SORCS2: variants seen among roughly 807,000 people sequenced by gnomAD.
The protein encoded by SORCS2 is sortilin related VPS10 domain containing receptor 2.
A neutral mutation model predicts 141.6 loss-of-function variants in SORCS2; 100 were observed. That is an observed-to-expected ratio of 0.71 (90% CI 0.60 to 0.83). SORCS2 has a LOEUF of 0.83. Ranked by LOEUF, SORCS2 falls within the 40% of genes least tolerant of loss-of-function variation. The probability of loss-of-function intolerance (pLI) is 0.00; values close to 1 mark genes in which losing one functional copy is unlikely to be tolerated. For missense variants in SORCS2, 1,646 were observed against 1,560.2 expected, an observed-to-expected ratio of 1.05 and a Z score of -0.93; for synonymous variants, 789 against 676.9, an observed-to-expected ratio of 1.17 and a Z score of -2.57.
chr4:7,217,895 G>T (rs12152669), intron 1 of SORCS2, among the ~76,000 whole-genome samples: 2,246 of 152,294 alleles, frequency 0.015, 32 homozygotes, highest in Middle Eastern at 0.027. Flanking sequence ...GGCGAGGGTC[G>T]AGAGTCCAGG....
chr4:7,676,945 T>C (rs555812898), intron 9 of SORCS2, among the ~76,000 whole-genome samples: 3 of 44,576 alleles, frequency 6.7e-5, no homozygotes, highest in African/African-American at 2.2e-4. Context: ...TCTCCCTCTC[T>C]CCCTCTGCCT....
intron 2 of SORCS2, among the ~76,000 whole-genome samples, chr4:7,416,830 A>T (rs1725724387): frequency 6.6e-6 from 1 of 150,710 alleles, no homozygotes; most frequent in South Asian, 2.1e-4. Context: ...ACTTGTGAAC[A>T]CACACAAACA....
chr4:7,652,295 G>A (rs886366), intron 4 of SORCS2, among the ~76,000 whole-genome samples: 118,887 of 152,190 alleles, frequency 0.78, 49,925 homozygotes, highest in East Asian at 1. Flanking sequence ...GGCCTTGCCC[G>A]TGGCCCTGGC....
intron 6 of SORCS2, 123 bp downstream of exon 6, chr4:7,661,687 T>C (rs760137060): frequency 7.1e-6 from 6 of 846,380 alleles, no homozygotes; most frequent in Middle Eastern, 2.3e-4. Flanking sequence ...GGCCTCACTG[T>C]GTCTCGATGT....
Position 7,396,355 on chromosome 4 carries a change from G to A in SORCS2, c.548G>A (p.Arg183Gln), listed in dbSNP as rs1039521878. 5.0e-6 allele frequency: 8 copies of A among 1,613,738 alleles called. No homozygotes were observed. Among genetic ancestry groups the A allele is most frequent in the East Asian group, 2.2e-5 (1 of 44,892 alleles). The change falls in exon 2 of 27, where the codon CGG becomes CAG. Residue 183 changes from arginine (R) to glutamine (Q), a missense_variant and splice_region_variant. Coordinates refer to ENST00000507866, the MANE Select transcript of SORCS2 (RefSeq NM_020777.3). Reference sequence around the variant, plus strand: ...AAGGTTCTGGAAAGTTCTCTGTGGCGGTAAGTCAGCCCGATGGCAGGCCTT... The same window carrying A: ...AAGGTTCTGGAAAGTTCTCTGTGGCAGTAAGTCAGCCCGATGGCAGGCCTT... ...MGKVLESSLW[R>Q]SSDFGTSYTK... is the part of the protein sequence containing the mutation.
chr4:7,714,679 C>T (rs1726070435), intron 16 of SORCS2, among the ~76,000 whole-genome samples: 1 of 152,196 alleles, frequency 6.6e-6, no homozygotes, highest in Non-Finnish European at 1.5e-5. Flanking sequence ...GCTGCACCCA[C>T]CCCAGCCCTT....
intron 2 of SORCS2, chr4:7,430,186 C>T (rs1248985128): frequency 6.6e-6 from 1 of 151,958 alleles, no homozygotes; most frequent in Admixed American, 6.5e-5. Context: ...ACTGTTCCCA[C>T]ATTGAAGGTG....
chr4:7,545,671 G>A (rs187329815), intron 3 of SORCS2, among the ~76,000 whole-genome samples: 3 of 152,100 alleles, frequency 2.0e-5, no homozygotes, highest in Non-Finnish European at 2.9e-5. Context: ...GACCCACCCC[G>A]CTGCATCAGC....
At chr4:7,519,121 C>T (rs1253616724) in intron 2 of SORCS2, among the ~76,000 whole-genome samples, 2 of 152,216 alleles carry the variant, frequency 1.3e-5, no homozygotes, top group African/African-American at 4.8e-5. Flanking sequence ...AGCTGTAGAG[C>T]AGGCATATCT....
chr4:7,237,632 A>G (rs1712376902), intron 1 of SORCS2, among the ~76,000 whole-genome samples: 1 of 152,210 alleles, frequency 6.6e-6, no homozygotes, highest in African/African-American at 2.4e-5. Flanking sequence ...TGAGGAAAGC[A>G]GACGGGATTC....
chr4:7,328,410 C>G (rs1244188218), intron 1 of SORCS2, among the ~76,000 whole-genome samples: 1 of 151,928 alleles, frequency 6.6e-6, no homozygotes, highest in African/African-American at 2.4e-5. Flanking sequence ...GTGACCATTT[C>G]CATTTGCAGG....
At chr4:7,407,351 T>G (rs1725030712) in intron 2 of SORCS2, among the ~76,000 whole-genome samples, 1 of 152,158 alleles carries the variant, frequency 6.6e-6, no homozygotes, top group African/African-American at 2.4e-5. Flanking sequence ...CTTTATATAC[T>G]TGGGAGATTC....
In SORCS2 at chr4:7,725,179, G is replaced by C. The variant is rs201523641; in HGVS notation, c.2637G>C (p.Glu879Asp). The C allele has an allele frequency of 4.3e-6, 7 of 1,613,476 alleles. No individual in the cohort carries two copies. Among genetic ancestry groups the C allele is most frequent in the Non-Finnish European group, 5.1e-6 (6 of 1,179,586 alleles). ...CCCCCCTGCAGGCCCTCTACCTGGA[G>C]GTGGTTCCTGTCATTGGCCTCAACC... The part of the protein sequence containing the change: ...VNSPLQALYL[E>D]VVPVIGLNQE... Residue 879 changes from glutamate (E) to aspartate (D), a missense_variant, in exon 20 of 27, where the codon GAG becomes GAC. Transcript: ENST00000507866.
intron 2 of SORCS2, among the ~76,000 whole-genome samples, chr4:7,448,101 G>C (rs1425083873): frequency 6.6e-6 from 1 of 152,214 alleles, no homozygotes; most frequent in Non-Finnish European, 1.5e-5. Flanking sequence ...ACGTAGGCGA[G>C]AGTCCACTGT....
chr4:7,723,756 C>T lies in SORCS2; in HGVS notation c.2484C>T (p.Tyr828=), dbSNP rs774304661. The T allele has an allele frequency of 4.6e-5, 75 of 1,613,888 alleles. No homozygotes were observed. Among genetic ancestry groups the T allele is most frequent in the Non-Finnish European group, 5.8e-5 (69 of 1,179,902 alleles). Residue 828 remains tyrosine, a synonymous_variant, in exon 19 of 27, where the codon TAC becomes TAT. Transcript: ENST00000507866. The part of the protein sequence containing the change: ...VDLGDGFKAM[Y]VNLTLTGEPI... ...TTGGGGACGGCTTCAAGGCCATGTA[C>T]GTGAACCTTACACTGACCGGGGAGC...
intron 3 of SORCS2, among the ~76,000 whole-genome samples, chr4:7,576,642 A>G (rs1019657966): frequency 7.2e-5 from 11 of 152,210 alleles, no homozygotes. Flanking sequence ...ACAGAGGGAC[A>G]CATGTGGAAG....
intron 2 of SORCS2, among the ~76,000 whole-genome samples, chr4:7,429,220 CG>C (rs1726661470): frequency 6.6e-6 from 1 of 152,136 alleles, no homozygotes. Context: ...GATGTCCCTG[CG>C]GCATGGCTGG....
chr4:7,204,476 C>T (rs1048533086), intron 1 of SORCS2, among the ~76,000 whole-genome samples: 1 of 152,164 alleles, frequency 6.6e-6, no homozygotes, highest in Non-Finnish European at 1.5e-5. Context: ...CCTCAGCCTC[C>T]AAAAGTGTTG....
At chr4:7,404,805 G>T (rs1724872178) in intron 2 of SORCS2, among the ~76,000 whole-genome samples, 1 of 152,104 alleles carries the variant, frequency 6.6e-6, no homozygotes, top group Admixed American at 6.5e-5. Flanking sequence ...TGTGTAGGTT[G>T]TCTGTCCATG....
Sources: gnomAD v4.1 joint callset for allele counts (sites outside exome capture counted in the v4.1 genomes callset) on GRCh38, gnomAD v4.1.1 for gene constraint, MANE v1.5 for transcripts, NCBI Gene and HGNC (gene_info 2026-07-23, HGNC 2026-07-21) for gene names.